The following ENTREP2 variants were observed in gnomAD, a reference collection of about 807,000 sequenced individuals.
ENTREP2 encodes the protein endosomal transmembrane epsin interactor 2.
At chr15:29,126,583 A>G in the ENTREP2 span, 2,609 of 1,082,862 alleles carry the variant, frequency 2.4e-3, 8 homozygotes, top group South Asian at 3.1e-3. Flanking sequence ...ACCTAGATGA[A>G]CTCTGAAACC....
the ENTREP2 span, among the ~76,000 whole-genome samples, chr15:29,303,375 T>C: frequency 6.6e-6 from 1 of 152,234 alleles, no homozygotes. Context: ...TCTCAGATGA[T>C]TCCAACCAAA....
the ENTREP2 span, chr15:29,121,595 G>T: frequency 1.3e-5 from 2 of 152,210 alleles, no homozygotes; most frequent in Non-Finnish European, 2.9e-5. Flanking sequence ...CCTGCAAAGG[G>T]ACTTGCCTTG....
chr15:29,402,749 T>A, the ENTREP2 span, among the ~76,000 whole-genome samples: 1 of 152,250 alleles, frequency 6.6e-6, no homozygotes, highest in African/African-American at 2.4e-5. Flanking sequence ...AATCAGCAGC[T>A]GCATCTCAAA....
chr15:29,292,494 C>T, the ENTREP2 span, among the ~76,000 whole-genome samples: 9 of 152,018 alleles, frequency 5.9e-5, no homozygotes, highest in African/African-American at 1.9e-4. Flanking sequence ...AATTCTCCTG[C>T]CTCAGCCTCC....
At chr15:29,368,306 C>A in the ENTREP2 span, among the ~76,000 whole-genome samples, 1 of 148,048 alleles carries the variant, frequency 6.8e-6, no homozygotes, top group African/African-American at 2.5e-5. Context: ...CCAGCCTGGG[C>A]AGCAGATTAA....
At chr15:29,621,522 CAAAAAAA>C in the ENTREP2 span, among the ~76,000 whole-genome samples, 3 of 15,636 alleles carry the variant, frequency 1.9e-4, no homozygotes, top group East Asian at 2.6e-3. Flanking sequence ...GACTCTGTCT[CAAAAAAA>C]AAAAAAAAAA....
chr15:29,185,162 A>G, the ENTREP2 span, among the ~76,000 whole-genome samples: 3 of 152,108 alleles, frequency 2.0e-5, no homozygotes, highest in Non-Finnish European at 4.4e-5. Flanking sequence ...TTGTCCCAGC[A>G]TGTTGGCCAG....
the ENTREP2 span, among the ~76,000 whole-genome samples, chr15:29,326,235 G>T: frequency 0.097 from 14,729 of 152,048 alleles, 837 homozygotes; most frequent in East Asian, 0.2. Flanking sequence ...AGTGCAATAA[G>T]ACAAGAAAAG....
chr15:29,647,621 G>A, the ENTREP2 span, among the ~76,000 whole-genome samples: 1 of 152,062 alleles, frequency 6.6e-6, no homozygotes, highest in Non-Finnish European at 1.5e-5. Flanking sequence ...ACAGTATACA[G>A]GTATTTGGGC....
chr15:29,559,401 G>A, the ENTREP2 span, among the ~76,000 whole-genome samples: 1 of 152,022 alleles, frequency 6.6e-6, no homozygotes, highest in Admixed American at 6.6e-5. Flanking sequence ...CTCCCCTCCT[G>A]TGTCCCCAGA....
chr15:29,360,580 T>C, the ENTREP2 span, among the ~76,000 whole-genome samples: 6 of 152,210 alleles, frequency 3.9e-5, no homozygotes, highest in Non-Finnish European at 8.8e-5. Context: ...TAGCAAAACA[T>C]ACATCAAGTA....
the ENTREP2 span, among the ~76,000 whole-genome samples, chr15:29,402,696 G>C: frequency 6.6e-6 from 1 of 152,190 alleles, no homozygotes; most frequent in Non-Finnish European, 1.5e-5. Flanking sequence ...GGTGTGGAAA[G>C]TGCATAATTT....
the ENTREP2 span, among the ~76,000 whole-genome samples, chr15:29,214,405 T>C: frequency 6.6e-6 from 1 of 152,250 alleles, no homozygotes; most frequent in Admixed American, 6.5e-5. Context: ...TGGATGAAGC[T>C]GGAAACCATC....
chr15:29,597,554 G>A, the ENTREP2 span, among the ~76,000 whole-genome samples: 2 of 144,478 alleles, frequency 1.4e-5, no homozygotes, highest in Non-Finnish European at 3.0e-5. Context: ...GGCAACAAGA[G>A]CGAAACTCTG....
the ENTREP2 span, among the ~76,000 whole-genome samples, chr15:29,512,184 A>C: frequency 6.6e-6 from 1 of 152,148 alleles, no homozygotes; most frequent in Non-Finnish European, 1.5e-5. Flanking sequence ...AGGCCCCTGG[A>C]AGAAGCCCTA....
At chr15:29,538,808 C>A in the ENTREP2 span, among the ~76,000 whole-genome samples, 7 of 146,262 alleles carry the variant, frequency 4.8e-5, no homozygotes, top group African/African-American at 1.3e-4. Flanking sequence ...GACTCTATCT[C>A]AAAAAAAAAA....
the ENTREP2 span, among the ~76,000 whole-genome samples, chr15:29,653,438 G>T: frequency 6.6e-6 from 1 of 152,188 alleles, no homozygotes; most frequent in Admixed American, 6.5e-5. Context: ...TTCATTTTGA[G>T]TTGTAATCCC....
the ENTREP2 span, among the ~76,000 whole-genome samples, chr15:29,180,073 G>A: frequency 1.3e-5 from 2 of 152,106 alleles, no homozygotes; most frequent in Non-Finnish European, 1.5e-5. Flanking sequence ...AGAGAAAGAC[G>A]GAAACCAAGA....
At chr15:29,359,383 T>C in the ENTREP2 span, among the ~76,000 whole-genome samples, 1 of 152,196 alleles carries the variant, frequency 6.6e-6, no homozygotes, top group Admixed American at 6.5e-5. Context: ...CCTCCAAAAG[T>C]CACTGCTGAA....
Sources: gnomAD v4.1 joint callset for allele counts (sites outside exome capture counted in the v4.1 genomes callset) on GRCh38, gnomAD v4.1.1 for gene constraint, MANE v1.5 for transcripts, NCBI Gene and HGNC (gene_info 2026-07-23, HGNC 2026-07-21) for gene names.